The following CD36 variants were observed in gnomAD, a reference collection of about 807,000 sequenced individuals.
The protein encoded by CD36 is platelet glycoprotein 4.
Under a neutral mutation model 55.2 loss-of-function variants are expected in CD36, and 119 were observed. The observed-to-expected ratio is 2.15, with a 90% confidence interval of 1.86 to 2.51. The LOEUF is 2.51. Among genes scored for constraint, CD36 ranks in the 30% most tolerant of loss-of-function variants. The probability of loss-of-function intolerance (pLI) is 0.00; values close to 1 mark genes in which losing one functional copy is unlikely to be tolerated. For synonymous variants in CD36, 186 were observed against 193.6 expected, an observed-to-expected ratio of 0.96 and a Z score of 0.33; for missense variants, 819 against 555.5, an observed-to-expected ratio of 1.47 and a Z score of -4.77.
chr7:80,629,103 G>C (rs1793915687), intron 1 of CD36, among the ~76,000 whole-genome samples: 1 of 151,810 alleles, frequency 6.6e-6, no homozygotes, highest in South Asian at 2.1e-4. Context: ...TAAATTAGCT[G>C]AATCAATAGG....
At position 80,620,290 on chromosome 7, in the gene CD36, T is replaced by C. The variant is rs373742886; in HGVS notation, c.-184+17911T>C. Among the ~76,000 whole-genome samples the C allele has an allele frequency of 7.2e-5, 11 of 152,190 alleles. No individual in the cohort carries two copies. The East Asian group carries it at 7.8e-4, about 11-fold the overall frequency. Reference sequence around the variant, plus strand: ...CAGGTTGCGAGCTTAGTCCCCAAGATTGCCCCCTTCTTTCAACACTAGTCA... The same window carrying C: ...CAGGTTGCGAGCTTAGTCCCCAAGACTGCCCCCTTCTTTCAACACTAGTCA... On this transcript the variant is annotated intron_variant, in intron 1 of 13. Transcript: ENST00000309881.
chr7:80,615,753 C>G lies in CD36; in HGVS notation c.-184+13374C>G, dbSNP rs764856121. Among the ~76,000 whole-genome samples the G allele has an allele frequency of 7.2e-5, 11 of 152,130 alleles. 1 individual carries two copies. The highest frequency in any genetic ancestry group is 1.6e-4 in the Non-Finnish European group (11 of 68,026). Reference sequence around the variant, plus strand: ...ATTATTTCTTTACTCTTCAGAATTTCTCCCAAAATATTCTAAGGCGGGAAG... The same window carrying G: ...ATTATTTCTTTACTCTTCAGAATTTGTCCCAAAATATTCTAAGGCGGGAAG... On this transcript the variant is annotated intron_variant, in intron 1 of 13. Transcript: ENST00000309881.
At chr7:80,631,266 G>A (rs1301354185) in intron 1 of CD36, among the ~76,000 whole-genome samples, 1 of 152,004 alleles carries the variant, frequency 6.6e-6, no homozygotes, top group Non-Finnish European at 1.5e-5. Context: ...GTTGTTTGCT[G>A]GAGAACAATG....
intron 13 of CD36, 136 bp from the exon 14 acceptor site, chr7:80,673,847 A>G (rs1406796249): frequency 8.4e-6 from 6 of 712,832 alleles, no homozygotes; most frequent in Non-Finnish European, 1.5e-5. Context: ...TGCAAAAGGA[A>G]TTCCATTAAC....
intron 1 of CD36, among the ~76,000 whole-genome samples, chr7:80,617,333 C>T (rs1296348673): frequency 6.6e-6 from 1 of 151,888 alleles, no homozygotes; most frequent in Non-Finnish European, 1.5e-5. Context: ...CTCCATGACA[C>T]AGTTTACCTA....
chr7:80,656,363 A>C (rs560832325), intron 3 of CD36, among the ~76,000 whole-genome samples, 177 bp from the exon 4 acceptor site: 1 of 152,272 alleles, frequency 6.6e-6, no homozygotes, highest in African/African-American at 2.4e-5. Context: ...CTGCTGTAAT[A>C]ATAATTTGTT....
intron 1 of CD36, among the ~76,000 whole-genome samples, chr7:80,603,010 T>C (rs2115654705): frequency 6.6e-6 from 1 of 152,266 alleles, no homozygotes; most frequent in Admixed American, 6.5e-5. Context: ...ACATAAAACT[T>C]ACTAATCATT....
Position 80,620,018 on chromosome 7 carries a change from T to C in CD36, c.-184+17639T>C, listed in dbSNP as rs74986791. On this transcript the variant is annotated intron_variant, in intron 1 of 13. Coordinates refer to the CD36 transcript ENST00000309881. ...TTCTAATTGAGCAAAGAAAGTGTTT[T>C]TGTTTTTGTTTTTTTTTAGATGAAA... 2.4e-3 allele frequency among the ~76,000 whole-genome samples: 365 copies of C among 152,140 alleles called. 1 individual carries two copies. The highest frequency in any genetic ancestry group is 8.5e-3 in the African/African-American group (355 of 41,554).
chr7:80,633,793 T>A (rs561561087), upstream of CD36, among the ~76,000 whole-genome samples: 288 of 152,168 alleles, frequency 1.9e-3, 1 homozygote, highest in African/African-American at 6.8e-3. Context: ...TCCCTAAAGA[T>A]TAAAGTGATA....
intron 1 of CD36, among the ~76,000 whole-genome samples, chr7:80,611,594 A>G (rs1792879792): frequency 6.6e-6 from 1 of 152,210 alleles, no homozygotes; most frequent in Non-Finnish European, 1.5e-5. Flanking sequence ...TTGAAAAGAG[A>G]GGAAAGTGTA....
rs1023705838 is a variant in CD36 at position 80,679,184 on chromosome 7, A to G, written c.*2801A>G. 2 of 152,210 alleles carry G rather than the reference A, an allele frequency of 1.3e-5. No individual in the cohort carries two copies. The highest frequency in any genetic ancestry group is 2.9e-5 in the Non-Finnish European group (2 of 68,034). 9.4% of individuals were successfully genotyped at this position (152,210 alleles called of 1,614,324 possible). A position where few individuals can be genotyped will look rare whatever the true frequency, so the allele number is the denominator to read the frequency against. On this transcript the variant is annotated 3_prime_UTR_variant, in exon 15 of 15. Coordinates refer to ENST00000447544, the MANE Select transcript of CD36 (RefSeq NM_001001548.3). ...TATGTTTAATATTTGTATCAAATAC[A>G]TAAAAGGAATACTGCTTTTTCCTTT...
chr7:80,664,864 A>AAC (rs570635833), intron 7 of CD36, among the ~76,000 whole-genome samples: 1 of 150,154 alleles, frequency 6.7e-6, no homozygotes, highest in African/African-American at 2.4e-5. Context: ...AAAAAAAAAA[A>AAC]AACAACACAT....
chr7:80,672,081 T>A (rs1466640917), intron 11 of CD36, 41 bp downstream of exon 11: 4 of 1,444,786 alleles, frequency 2.8e-6, no homozygotes, highest in East Asian at 2.3e-5. Context: ...TTGATATTTT[T>A]AAAAATACAA....
At chr7:80,663,444 T>C (rs1796723750) in intron 6 of CD36, among the ~76,000 whole-genome samples, 1 of 152,154 alleles carries the variant, frequency 6.6e-6, no homozygotes. Context: ...AATTAGCCGG[T>C]AAGCTAGTCT....
In CD36 at chr7:80,666,459, G is replaced by C; in HGVS notation, c.718G>C (p.Glu240Gln). Residue 240 changes from glutamate to glutamine, a missense_variant, in exon 8 of 15, where the codon GAA (glutamate) becomes CAA (glutamine). Coordinates refer to ENST00000447544, the MANE Select transcript of CD36 (RefSeq NM_001001548.3). ...YKGKRNLSYW[E>Q]SHCDMINGTD... Reference sequence around the variant, plus strand: ...TATTCCTAGGAATCTGTCCTATTGGGAAAGTCACTGCGACATGATTAATGG... The same window carrying C: ...TATTCCTAGGAATCTGTCCTATTGGCAAAGTCACTGCGACATGATTAATGG... 1 of 1,607,484 alleles carries C rather than the reference G, an allele frequency of 6.2e-7. No individual in the cohort carries two copies. The highest frequency in any genetic ancestry group is 8.5e-7 in the Non-Finnish European group (1 of 1,174,528).
intron 12 of CD36, 127 bp downstream of exon 12, chr7:80,672,970 T>C (rs2116892586): frequency 1.4e-6 from 1 of 712,246 alleles, no homozygotes; most frequent in Non-Finnish European, 2.6e-6. Context: ...TTTAGCTTAA[T>C]GTCACCAATC....
At chr7:80,628,199 T>C (rs1793858056) in intron 1 of CD36, among the ~76,000 whole-genome samples, 1 of 151,750 alleles carries the variant, frequency 6.6e-6, no homozygotes, top group African/African-American at 2.4e-5. Context: ...TTACTGTTTA[T>C]TCAGCATCAA....
At chr7:80,634,264 T>C (rs1794256263), upstream of CD36, among the ~76,000 whole-genome samples, 1 of 152,076 alleles carries the variant, frequency 6.6e-6, no homozygotes, top group South Asian at 2.1e-4. Context: ...GTGTTGACTA[T>C]GTTATTGTAT....
intron 10 of CD36, 143 bp from the exon 11 acceptor site, chr7:80,671,779 A>G (rs1049714368): frequency 7.3e-5 from 51 of 697,020 alleles, no homozygotes; most frequent in African/African-American, 1.3e-4. Context: ...GTAGAAATCA[A>G]CTGACATAAT....
Sources: allele counts gnomAD v4.1 joint callset (sites outside exome capture counted in the v4.1 genomes callset), GRCh38; gene constraint gnomAD v4.1.1; transcripts MANE v1.5; gene names NCBI Gene and HGNC (gene_info 2026-07-23, HGNC 2026-07-21).